The following OTUD7B variants were observed in gnomAD, a reference collection of about 807,000 sequenced individuals.
The protein encoded by OTUD7B is OTU deubiquitinase 7B.
A neutral mutation model predicts 82.2 loss-of-function variants in OTUD7B; 34 were observed. The observed-to-expected ratio is 0.41, with a 90% CI of 0.31 to 0.55. The LOEUF is 0.55. OTUD7B is among the 20% of genes least tolerant of loss of function. OTUD7B has a pLI of 0.20. For synonymous variants in OTUD7B, 398 were observed against 402.7 expected (o/e 0.99, Z 0.14); for missense variants, 944 against 1,062.1 (o/e 0.89, Z 1.55).
intron 7 of OTUD7B, among the ~76,000 whole-genome samples, chr1:149,956,704 C>G (rs1648702764): frequency 6.6e-6 from 1 of 152,202 alleles, no homozygotes; most frequent in East Asian, 1.9e-4. Flanking sequence ...TTCACATAGT[C>G]CCATATTTCT....
chr1:149,948,990 C>G lies in OTUD7B; in HGVS notation c.1217G>C (p.Ser406Thr). 6.2e-7 allele frequency: 1 copy of G among 1,612,700 alleles called. No individual in the cohort carries two copies. Among genetic ancestry groups the G allele is most frequent in the Non-Finnish European group, 8.5e-7 (1 of 1,178,686 alleles). ...GKGWEWGKDDSDNVRLASVIL... is the reference protein window; with the variant it reads ...GKGWEWGKDDTDNVRLASVIL... The stretch of plus-strand genomic sequence containing the variant: ...TTACCTGGCCAATCGGACATTGTCA[C>G]TATCATCTTTGCCCCACTCCCAGCC... The change falls in exon 10 of 12, where the codon AGT becomes ACT. Residue 406 changes from serine (S) to threonine (T), a missense_variant. Physicochemically the swap from Ser to Thr is moderately conservative, Grantham distance 58. Coordinates refer to ENST00000581312, the MANE Select transcript of OTUD7B (RefSeq NM_020205.4).
the OTUD7B span, among the ~76,000 whole-genome samples, chr1:150,047,204 G>A: frequency 6.6e-6 from 1 of 152,036 alleles, no homozygotes; most frequent in East Asian, 1.9e-4. Flanking sequence ...CCCACCTCAG[G>A]GATTTAGCAA....
At chr1:150,052,955 T>C in the OTUD7B span, among the ~76,000 whole-genome samples, 2 of 152,070 alleles carry the variant, frequency 1.3e-5, no homozygotes, top group Non-Finnish European at 2.9e-5. Flanking sequence ...CCCTAGTCAA[T>C]ACATGGTGCT....
At position 149,940,345 on chromosome 1, in the gene OTUD7B, T is replaced by C. The variant is rs1374135292; in HGVS notation, c.*3512A>G. Reference sequence around the variant, plus strand: ...CTTTAAAAAATCTTTGGATATAATCTTTTTATTTTGTTGATAAAAACCAGT... The same window carrying C: ...CTTTAAAAAATCTTTGGATATAATCCTTTTATTTTGTTGATAAAAACCAGT... On this transcript the variant is annotated 3_prime_UTR_variant, in exon 12 of 12. Transcript: ENST00000581312. 1 of 152,210 alleles carries C rather than the reference T, an allele frequency of 6.6e-6. No homozygotes were observed. Among genetic ancestry groups the C allele is most frequent in the Non-Finnish European group, 1.5e-5 (1 of 68,032 alleles). 9.4% of individuals were successfully genotyped at this position (152,210 alleles called of 1,614,324 possible).
chr1:149,971,072 T>C lies in OTUD7B; in HGVS notation c.265A>G (p.Ile89Val). Residue 89 changes from isoleucine to valine, a missense_variant, in exon 3 of 12, where the codon ATC becomes GTC. Ile to Val is a conservative substitution (Grantham distance 29, BLOSUM62 3). Around this residue, in one of 3 missense-constraint regions of OTUD7B, gnomAD observed 530 missense variants for 625.6 expected, o/e 0.85. Coordinates refer to ENST00000581312, the MANE Select transcript of OTUD7B (RefSeq NM_020205.4). ...PRPILQRQDD[I>V]VQEKRLSRGI... is the part of the protein sequence containing the mutation. ...CCAGTCACCCCAGTACCTTGAACGATGTCATCCTGCCGCTGGAGGATGGGT... is the reference window on the plus strand; with the variant it reads ...CCAGTCACCCCAGTACCTTGAACGACGTCATCCTGCCGCTGGAGGATGGGT... 6.2e-7 allele frequency: 1 copy of C among 1,606,448 alleles called. No homozygotes were observed. The highest frequency in any genetic ancestry group is 8.5e-7 in the Non-Finnish European group (1 of 1,174,592).
the OTUD7B span, chr1:150,054,454 A>G: frequency 5.7e-6 from 3 of 526,896 alleles, no homozygotes; most frequent in Non-Finnish European, 1.1e-5. Context: ...TTGCCACCTC[A>G]GCCAAAATTG....
At chr1:149,957,275 G>A (rs1004950694) in intron 7 of OTUD7B, among the ~76,000 whole-genome samples, 2 of 151,696 alleles carry the variant, frequency 1.3e-5, no homozygotes, top group African/African-American at 2.4e-5. Context: ...TCAGCTGCAG[G>A]TCTGTTGGAG....
intron 1 of OTUD7B, among the ~76,000 whole-genome samples, chr1:149,992,264 C>A (rs1651620588): frequency 6.6e-6 from 1 of 151,950 alleles, no homozygotes. Flanking sequence ...ACCAAATAAT[C>A]ATTTATGTTT....
the OTUD7B span, among the ~76,000 whole-genome samples, chr1:150,016,535 A>G: frequency 6.7e-6 from 1 of 149,572 alleles, no homozygotes; most frequent in Non-Finnish European, 1.5e-5. Flanking sequence ...GCTCACTGCA[A>G]CCTCTGCCTC....
the OTUD7B span, among the ~76,000 whole-genome samples, chr1:150,042,392 C>T: frequency 1.8e-4 from 27 of 151,776 alleles, no homozygotes; most frequent in African/African-American, 6.0e-4. Flanking sequence ...AGGCTGGTCT[C>T]GAGCTCCTGA....
At chr1:149,954,350 T>C (rs1377691213) in intron 7 of OTUD7B, among the ~76,000 whole-genome samples, 1 of 152,222 alleles carries the variant, frequency 6.6e-6, no homozygotes, top group Non-Finnish European at 1.5e-5. Context: ...GGATTATGTT[T>C]ATTGATTTAC....
chr1:149,981,869 G>T, intron 1 of OTUD7B, among the ~76,000 whole-genome samples: 1 of 152,112 alleles, frequency 6.6e-6, no homozygotes, highest in East Asian at 1.9e-4. Context: ...CTCTTACTCG[G>T]CCAGGCACAG....
intron 1 of OTUD7B, among the ~76,000 whole-genome samples, chr1:150,001,556 C>T (rs1444470047): frequency 6.6e-6 from 1 of 152,102 alleles, no homozygotes; most frequent in East Asian, 1.9e-4. Context: ...GCTAGTGTAA[C>T]CAAGTTATCT....
intron 1 of OTUD7B, among the ~76,000 whole-genome samples, chr1:149,979,395 T>C (rs1650559868): frequency 6.6e-6 from 1 of 152,220 alleles, no homozygotes; most frequent in Non-Finnish European, 1.5e-5. Context: ...CCTATATGTA[T>C]TAACTAGGTG....
the OTUD7B span, among the ~76,000 whole-genome samples, chr1:150,056,411 A>G: frequency 6.6e-6 from 1 of 152,212 alleles, no homozygotes; most frequent in Admixed American, 6.5e-5. Flanking sequence ...AAATATTTTT[A>G]TATTCCATTT....
At chr1:150,044,351 G>A in the OTUD7B span, among the ~76,000 whole-genome samples, 1 of 151,850 alleles carries the variant, frequency 6.6e-6, no homozygotes, top group Non-Finnish European at 1.5e-5. Flanking sequence ...GGGATTATAG[G>A]TGCACTCCAC....
chr1:150,028,848 T>A, the OTUD7B span, among the ~76,000 whole-genome samples: 1 of 152,178 alleles, frequency 6.6e-6, no homozygotes, highest in Non-Finnish European at 1.5e-5. Context: ...TCTAGGTACT[T>A]TGAATAAGTG....
chr1:150,039,855 C>T, the OTUD7B span, among the ~76,000 whole-genome samples: 4 of 152,074 alleles, frequency 2.6e-5, no homozygotes, highest in African/African-American at 4.8e-5. Context: ...TTTCCTTATA[C>T]GGAGCCATTT....
the OTUD7B span, among the ~76,000 whole-genome samples, chr1:150,048,928 G>T: frequency 6.6e-6 from 1 of 152,090 alleles, no homozygotes; most frequent in South Asian, 2.1e-4. Context: ...TGCCTCACTG[G>T]TTCAAGCAAT....
Sources: allele counts gnomAD v4.1 joint callset (sites outside exome capture counted in the v4.1 genomes callset), GRCh38; gene constraint gnomAD v4.1.1; regional missense constraint gnomAD v4.1.1; transcripts MANE v1.5; gene names NCBI Gene and HGNC (gene_info 2026-07-23, HGNC 2026-07-21).